TBC1D5: variants seen among roughly 807,000 people sequenced by gnomAD.
TBC1D5 encodes TBC1 domain family member 5.
TBC1D5 carries 75 observed loss-of-function variants against 100.3 expected under a neutral mutation model. That is an observed-to-expected ratio of 0.75 (90% CI 0.62 to 0.91). The LOEUF is 0.91. Ranked by LOEUF, TBC1D5 falls within the 40% of genes least tolerant of loss-of-function variation. TBC1D5 has a pLI of 0.00. For synonymous variants in TBC1D5, 323 were observed against 325.6 expected, an observed-to-expected ratio of 0.99 and a Z score of 0.09; for missense variants, 910 against 942.4, an observed-to-expected ratio of 0.97 and a Z score of 0.45.
At chr3:17,437,208 T>C (rs2094551411) in intron 3 of TBC1D5, among the ~76,000 whole-genome samples, 1 of 152,172 alleles carries the variant, frequency 6.6e-6, no homozygotes, top group Non-Finnish European at 1.5e-5. Context: ...ACCTTGAGAT[T>C]AGATTTCCCA....
chr3:17,723,916 CATT>C (rs1305107767), intron 1 of TBC1D5, among the ~76,000 whole-genome samples: 1 of 152,046 alleles, frequency 6.6e-6, no homozygotes, highest in Non-Finnish European at 1.5e-5. Flanking sequence ...TAGAATACTT[CATT>C]ATAATACTAG....
intron 2 of TBC1D5, among the ~76,000 whole-genome samples, chr3:17,552,280 C>A (rs2096481316): frequency 6.6e-6 from 1 of 151,964 alleles, no homozygotes; most frequent in African/African-American, 2.4e-5. Context: ...ACAAAGCTCC[C>A]TCCTGTTAGA....
intron 2 of TBC1D5, among the ~76,000 whole-genome samples, chr3:17,602,492 T>G (rs557111719): frequency 2.0e-5 from 3 of 151,628 alleles, no homozygotes; most frequent in Non-Finnish European, 2.9e-5. Flanking sequence ...GATTAAACAT[T>G]CTAAATGACA....
chr3:17,526,216 T>C (rs1275525072), intron 2 of TBC1D5, among the ~76,000 whole-genome samples: 3 of 152,072 alleles, frequency 2.0e-5, no homozygotes, highest in Admixed American at 2.0e-4. Context: ...AATTTATTCA[T>C]TTATTTATTT....
At chr3:17,406,290 G>T in intron 5 of TBC1D5, 128 bp downstream of exon 5, 1 of 729,014 alleles carries the variant, frequency 1.4e-6, no homozygotes, top group Non-Finnish European at 2.2e-6. Flanking sequence ...AAACATAGAT[G>T]GTCAAAATAA....
chr3:17,424,149 TAAAAC>T (rs1379718136), intron 4 of TBC1D5, among the ~76,000 whole-genome samples: 8 of 152,160 alleles, frequency 5.3e-5, no homozygotes, highest in African/African-American at 1.9e-4. Context: ...CATAGGGTAA[TAAAAC>T]AAAAGTTTTT....
intron 3 of TBC1D5, among the ~76,000 whole-genome samples, chr3:17,496,752 C>T (rs935237292): frequency 1.3e-5 from 2 of 152,024 alleles, no homozygotes; most frequent in Non-Finnish European, 2.9e-5. Context: ...TTGTTAAATG[C>T]CTACCACCAA....
rs1327119613 is a variant in TBC1D5, at chr3:17,238,428, A to G, written c.1332-9T>C. ...CACCTTTGGCATTGGTCCTGTTAAA[A>G]AAAGAAATGGAGAAGCATTATTTAC... is the stretch of plus-strand genomic sequence containing the variant. On this transcript the variant is annotated splice_polypyrimidine_tract_variant and intron_variant, in intron 16 of 21. Coordinates refer to ENST00000253692, the Ensembl canonical transcript of TBC1D5. The G allele has an allele frequency of 1.2e-6, 2 of 1,602,582 alleles. No homozygotes were observed. Among genetic ancestry groups the G allele is most frequent in the Admixed American group, 3.4e-5 (2 of 58,404 alleles).
intron 13 of TBC1D5, among the ~76,000 whole-genome samples, chr3:17,354,583 CA>C (rs1355465071): frequency 1.3e-5 from 2 of 151,884 alleles, no homozygotes; most frequent in African/African-American, 4.8e-5. Flanking sequence ...GATGCCTGGG[CA>C]GTGTTGCTGT....
In TBC1D5 at chr3:17,285,787, CAATTTGA is replaced by C. The variant is rs1243226662; in HGVS notation, c.1245+6101_1245+6107del. 1.8e-4 allele frequency among the ~76,000 whole-genome samples: 27 copies of C among 152,218 alleles called. No individual in the cohort carries two copies. The East Asian group carries it at 4.1e-3, about 23-fold the overall frequency. On this transcript the variant is annotated intron_variant, in intron 15 of 21. Transcript: ENST00000253692. ...GAGTAAAAATTAAAGTACCTATATACAATTTGAAATTTGAAATTCAGACTTTTTGTAA... is the reference window on the plus strand; with the variant it reads ...GAGTAAAAATTAAAGTACCTATATACAATTTGAAATTCAGACTTTTTGTAA...
At chr3:17,185,118 T>A in exon 19 of TBC1D5, 1 of 1,611,066 alleles carries the variant, frequency 6.2e-7, no homozygotes. Context: ...CCAAGATGAG[T>A]GTCCATCACC....
At chr3:17,282,527 T>C (rs895894024) in intron 15 of TBC1D5, among the ~76,000 whole-genome samples, 4 of 152,198 alleles carry the variant, frequency 2.6e-5, no homozygotes, top group African/African-American at 9.6e-5. Flanking sequence ...TCTTTAGGTA[T>C]TTAAGGAAAA....
intron 19 of TBC1D5, among the ~76,000 whole-genome samples, chr3:17,176,935 T>C (rs766865536): frequency 2.0e-5 from 3 of 152,158 alleles, no homozygotes; most frequent in Non-Finnish European, 2.9e-5. Flanking sequence ...GTGGGAATGC[T>C]ACCCCCTGTG....
At chr3:17,225,164 C>T (rs113730151) in intron 17 of TBC1D5, among the ~76,000 whole-genome samples, 2,581 of 152,178 alleles carry the variant, frequency 0.017, 27 homozygotes, top group Admixed American at 0.028. Flanking sequence ...ACAGGCCGGA[C>T]GCGGTGGCTC....
intron 10 of TBC1D5, among the ~76,000 whole-genome samples, chr3:17,376,165 C>T (rs1386136920): frequency 6.6e-6 from 1 of 151,992 alleles, no homozygotes; most frequent in Non-Finnish European, 1.5e-5. Flanking sequence ...TATATAAAGT[C>T]TTATTCAACT....
chr3:17,321,392 A>C (rs1422219755), intron 13 of TBC1D5, among the ~76,000 whole-genome samples: 6 of 152,222 alleles, frequency 3.9e-5, no homozygotes, highest in Non-Finnish European at 8.8e-5. Context: ...TAAAATTTTT[A>C]CTATTTATTT....
At chr3:17,321,612 G>A (rs953608326) in intron 13 of TBC1D5, among the ~76,000 whole-genome samples, 4 of 152,110 alleles carry the variant, frequency 2.6e-5, no homozygotes, top group African/African-American at 9.7e-5. Context: ...CACTGTTTTA[G>A]TCAAAACCAA....
chr3:17,729,399 A>G (rs1410488884), intron 1 of TBC1D5, among the ~76,000 whole-genome samples: 1 of 151,874 alleles, frequency 6.6e-6, no homozygotes, highest in Non-Finnish European at 1.5e-5. Context: ...TTACATGCTC[A>G]ATTAAAATGT....
intron 18 of TBC1D5, among the ~76,000 whole-genome samples, chr3:17,204,083 A>C (rs1346846774): frequency 6.6e-6 from 1 of 152,242 alleles, no homozygotes; most frequent in African/African-American, 2.4e-5. Flanking sequence ...CAGTGGATTA[A>C]AAATATAACT....
Sources: gnomAD v4.1 joint callset for allele counts (sites outside exome capture counted in the v4.1 genomes callset) on GRCh38, gnomAD v4.1.1 for gene constraint, MANE v1.5 for transcripts, NCBI Gene and HGNC (gene_info 2026-07-23, HGNC 2026-07-21) for gene names.